The following SFMBT2 variants were observed in gnomAD, a reference collection of about 807,000 sequenced individuals.
SFMBT2 encodes the protein scm-like with four MBT domains protein 2.
SFMBT2 carries 38 observed loss-of-function variants against 110.1 expected under a neutral mutation model. The observed-to-expected ratio is 0.35, with a 90% CI of 0.27 to 0.45. The LOEUF (loss-of-function observed/expected upper bound fraction) is 0.45. Ranked by LOEUF, SFMBT2 falls within the 20% of genes least tolerant of loss-of-function variation. The pLI is 1.00. For synonymous variants in SFMBT2, 425 were observed against 425.4 expected (o/e 1.00, Z 0.01); for missense variants, 1,011 against 1,094.9 (o/e 0.92, Z 1.08).
In SFMBT2 at chr10:7,367,216, C is replaced by T. The variant is rs560219096; in HGVS notation, c.436+433G>A. 6.6e-6 allele frequency among the ~76,000 whole-genome samples: 1 copy of T among 152,036 alleles called. No individual in the cohort carries two copies. Among genetic ancestry groups the T allele is most frequent in the African/African-American group, 2.4e-5 (1 of 41,380 alleles). ...AGACACTCTGTTACTGTTCAAATGT[C>T]GACTTGCTAAAGCAGAAGAAAAGCA... On this transcript the variant is annotated intron_variant, in intron 4 of 20. Coordinates refer to ENST00000397167, the MANE Select transcript of SFMBT2 (RefSeq NM_001387889.1). The surrounding 1 kb of genome is among the most constrained non-coding windows in gnomAD (Gnocchi z 6.2).
intron 1 of SFMBT2, among the ~76,000 whole-genome samples, chr10:7,393,003 A>G (rs1336047490): frequency 1.4e-5 from 1 of 69,386 alleles, no homozygotes; most frequent in Admixed American, 1.2e-4. Context: ...ATATATATAT[A>G]TATATATATA....
At chr10:7,397,092 G>T (rs1350736416) in intron 1 of SFMBT2, among the ~76,000 whole-genome samples, 1 of 152,162 alleles carries the variant, frequency 6.6e-6, no homozygotes, top group Non-Finnish European at 1.5e-5. Flanking sequence ...TTGTGCAATT[G>T]GAATCATCCA....
intron 4 of SFMBT2, among the ~76,000 whole-genome samples, chr10:7,322,016 C>G (rs1186368006): frequency 2.0e-5 from 3 of 152,200 alleles, no homozygotes; most frequent in Admixed American, 6.5e-5. Flanking sequence ...ACCAGCACTT[C>G]CCAAACTTTT....
chr10:7,286,523 AAT>A, intron 4 of SFMBT2: 1 of 176,474 alleles, frequency 5.7e-6, no homozygotes, highest in Non-Finnish European at 1.1e-5. Context: ...GAGCATCAAA[AAT>A]ATATGAAATA....
chr10:7,401,148 A>G (rs1047884914), intron 1 of SFMBT2, among the ~76,000 whole-genome samples: 1 of 152,058 alleles, frequency 6.6e-6, no homozygotes, highest in Non-Finnish European at 1.5e-5. Context: ...AAAAATAAAA[A>G]TAAAAAGCAT....
rs550402212 is a variant in SFMBT2 at position 7,192,883 on chromosome 10, C to T, written c.1699-4150G>A. Among the ~76,000 whole-genome samples the T allele has an allele frequency of 4.7e-4, 72 of 152,250 alleles. 1 individual carries two copies. In the South Asian group the frequency reaches 0.012, roughly 25 times the overall value. On this transcript the variant is annotated intron_variant, in intron 15 of 20. Transcript: ENST00000397167. ...CTACTTCTTTGATTCTGCTGGTCTA[C>T]GCCTTCACACCCAGTCTTTGGACCT...
chr10:7,257,486 C>G (rs1349268200), intron 7 of SFMBT2, among the ~76,000 whole-genome samples: 1 of 152,194 alleles, frequency 6.6e-6, no homozygotes. Context: ...CAACTCATGT[C>G]TCTGGCAGGT....
At chr10:7,214,246 C>G (rs1839455669) in intron 11 of SFMBT2, among the ~76,000 whole-genome samples, 1 of 152,234 alleles carries the variant, frequency 6.6e-6, no homozygotes, top group Non-Finnish European at 1.5e-5. Flanking sequence ...GGCCACCACT[C>G]TTAAGAACAC....
chr10:7,276,212 C>G (rs559905045), intron 7 of SFMBT2, among the ~76,000 whole-genome samples: 132 of 152,348 alleles, frequency 8.7e-4, no homozygotes, highest in African/African-American at 3.0e-3. Flanking sequence ...TGGTACTTAG[C>G]AGAACCTCGG....
At chr10:7,312,897 C>G (rs1164487865) in intron 4 of SFMBT2, among the ~76,000 whole-genome samples, 5 of 152,106 alleles carry the variant, frequency 3.3e-5, no homozygotes, top group African/African-American at 1.2e-4. Flanking sequence ...AAAGTAAAAA[C>G]TAGACAGATT....
intron 17 of SFMBT2, among the ~76,000 whole-genome samples, chr10:7,173,982 G>C (rs1348741217): frequency 1.3e-5 from 2 of 152,176 alleles, no homozygotes; most frequent in Admixed American, 1.3e-4. Flanking sequence ...AACAAGCATA[G>C]GTTTCCTTCA....
At chr10:7,347,117 CA>C (rs1361687727) in intron 4 of SFMBT2, among the ~76,000 whole-genome samples, 3 of 152,178 alleles carry the variant, frequency 2.0e-5, no homozygotes, top group African/African-American at 7.2e-5. Flanking sequence ...GCAGCCTCCC[CA>C]TCCCAGGGAT....
chr10:7,325,500 A>G (rs973177694), intron 4 of SFMBT2, among the ~76,000 whole-genome samples: 1 of 152,242 alleles, frequency 6.6e-6, no homozygotes, highest in Non-Finnish European at 1.5e-5. Flanking sequence ...CAATCCAGTC[A>G]GAGCCAAGGA....
At chr10:7,331,342 C>T (rs994358798) in intron 4 of SFMBT2, among the ~76,000 whole-genome samples, 2 of 152,190 alleles carry the variant, frequency 1.3e-5, no homozygotes, top group African/African-American at 4.8e-5. Flanking sequence ...TCCACTGGGA[C>T]AGGAAAGCCA....
chr10:7,203,256 G>A (rs1294897978), intron 12 of SFMBT2: 2 of 236,700 alleles, frequency 8.4e-6, no homozygotes, highest in African/African-American at 4.7e-5. Flanking sequence ...GTATGTGCAA[G>A]AAATGCAAGC....
At chr10:7,218,410 T>C (rs1489645104) in intron 11 of SFMBT2, among the ~76,000 whole-genome samples, 1 of 152,250 alleles carries the variant, frequency 6.6e-6, no homozygotes, top group Non-Finnish European at 1.5e-5. Flanking sequence ...ACTGGAATTT[T>C]ACTTTATTTG....
intron 4 of SFMBT2, among the ~76,000 whole-genome samples, chr10:7,288,679 T>A (rs2131852525): frequency 6.6e-6 from 1 of 152,338 alleles, no homozygotes; most frequent in Non-Finnish European, 1.5e-5. Flanking sequence ...TTGTTCCTCC[T>A]AACTATGCTA....
Position 7,357,443 on chromosome 10 carries a change from G to A in SFMBT2, c.436+10206C>T, listed in dbSNP as rs531153273. Reference sequence around the variant, plus strand: ...AAGGCTGACCTCCCCAAAGCCCGAGGGGATTCTCCAGCAGGCAGCCTTCGG... The same window carrying A: ...AAGGCTGACCTCCCCAAAGCCCGAGAGGATTCTCCAGCAGGCAGCCTTCGG... On this transcript the variant is annotated intron_variant, in intron 4 of 20. Transcript: ENST00000397167. Among the ~76,000 whole-genome samples the A allele has an allele frequency of 7.9e-5, 12 of 152,246 alleles. No individual in the cohort carries two copies. The South Asian group carries it at 1.2e-3, about 16-fold the overall frequency.
chr10:7,196,552 A>G (rs1265838325), intron 15 of SFMBT2, among the ~76,000 whole-genome samples: 1 of 152,234 alleles, frequency 6.6e-6, no homozygotes, highest in Non-Finnish European at 1.5e-5. Flanking sequence ...GGATTACATC[A>G]TCTCCCTAAC....
Sources: gnomAD v4.1 joint callset for allele counts (sites outside exome capture counted in the v4.1 genomes callset) on GRCh38, gnomAD v4.1.1 for gene constraint, Gnocchi (gnomAD v3.1) non-coding constraint, MANE v1.5 for transcripts, NCBI Gene and HGNC (gene_info 2026-07-23, HGNC 2026-07-21) for gene names.